TVP23A: variants seen among roughly 807,000 people sequenced by gnomAD.
TVP23A encodes the protein trans-golgi network vesicle protein 23 homolog A.
Under a neutral mutation model 31.7 loss-of-function variants are expected in TVP23A, and 21 were observed. That is an observed-to-expected ratio of 0.66 (90% CI 0.47 to 0.95). The LOEUF (loss-of-function observed/expected upper bound fraction) is 0.95. Ranked by LOEUF, TVP23A falls within the 40% of genes least tolerant of loss-of-function variation. TVP23A has a pLI of 0.00. For missense variants in TVP23A, 279 were observed against 255.6 expected, an observed-to-expected ratio of 1.09 and a Z score of -0.62; for synonymous variants, 104 against 96.0, an observed-to-expected ratio of 1.08 and a Z score of -0.49.
chr16:10,778,874 G>A (rs939656414), intron 2 of TVP23A, among the ~76,000 whole-genome samples: 1 of 152,172 alleles, frequency 6.6e-6, no homozygotes, highest in Non-Finnish European at 1.5e-5. Flanking sequence ...GCTGAGGCAG[G>A]AGAATTGCTT....
Position 10,818,622 on chromosome 16 carries a change from G to T in TVP23A, c.-129C>A. On this transcript the variant is annotated 5_prime_UTR_variant, in exon 1 of 8. Coordinates refer to ENST00000299866, the MANE Select transcript of TVP23A (RefSeq NM_001079512.4). This position sits in a 1 kb window ranked among gnomAD's most constrained non-coding sequence, Gnocchi z 4.7. ...GTGGACGCTGAGGGTCGGGGCCTGC[G>T]CCCTGTGGGGCAGCCTCAGCGCAGC... The T allele has an allele frequency of 8.5e-7, 1 of 1,173,566 alleles. No homozygotes were observed. The highest frequency in any genetic ancestry group is 1.1e-6 in the Non-Finnish European group (1 of 871,534). The allele number at this position is 1,173,566 out of a possible 1,614,324, so 72.7% of individuals were successfully genotyped here. A position where few individuals can be genotyped will look rare whatever the true frequency, so the allele number is the denominator to read the frequency against.
downstream of TVP23A, chr16:10,757,827 G>C (rs747464968): frequency 1.3e-6 from 2 of 1,593,712 alleles, no homozygotes. The surrounding 1 kb of genome is among the most constrained non-coding windows in gnomAD (Gnocchi z 4.1). Context: ...TGAAAGTACA[G>C]AAAAGAAAGG....
intron 2 of TVP23A, among the ~76,000 whole-genome samples, chr16:10,789,926 A>T (rs934518953): frequency 6.6e-5 from 10 of 151,866 alleles, no homozygotes; most frequent in South Asian, 4.2e-4. Context: ...GTTGGTAGGG[A>T]CCTTCTAGGC....
At chr16:10,773,512 ATTTAT>A (rs1187930762) in intron 4 of TVP23A, 71 bp from the exon 5 acceptor site, 1 of 1,488,308 alleles carries the variant, frequency 6.7e-7, no homozygotes, top group African/African-American at 1.4e-5. Flanking sequence ...TCACATTTTC[ATTTAT>A]TTTATTTTGC....
chr16:10,761,841 C>T (rs1416264228), downstream of TVP23A: 5 of 1,613,912 alleles, frequency 3.1e-6, no homozygotes, highest in South Asian at 2.2e-5. Flanking sequence ...CGGCAGAGTG[C>T]CCCTGGATCC....
Position 10,818,345 on chromosome 16 carries a change from C to T in TVP23A, c.9+140G>A. The T allele has an allele frequency of 7.1e-7, 1 of 1,400,732 alleles. No homozygotes were observed. The highest frequency in any genetic ancestry group is 1.3e-5 in the South Asian group (1 of 78,712). 86.8% of individuals were successfully genotyped at this position (1,400,732 alleles called of 1,614,324 possible). ...TCCGCTGCGGCTGCAGTGCAAAGCCCTCTCCACCCTCCCGACCACCGGGTG... is the reference window on the plus strand; with the variant it reads ...TCCGCTGCGGCTGCAGTGCAAAGCCTTCTCCACCCTCCCGACCACCGGGTG... On this transcript the variant is annotated intron_variant, in intron 1 of 7. Coordinates refer to ENST00000299866, the MANE Select transcript of TVP23A (RefSeq NM_001079512.4). The surrounding 1 kb of genome is among the most constrained non-coding windows in gnomAD (Gnocchi z 4.7).
Position 10,773,434 on chromosome 16 carries a change from G to A in TVP23A, c.332C>T (p.Pro111Leu), listed in dbSNP as rs200859270. 826 of 1,597,480 alleles carry A rather than the reference G, an allele frequency of 5.2e-4. 7 individuals carry two copies. Among genetic ancestry groups the A allele is most frequent in the Non-Finnish European group, 2.0e-4 (236 of 1,175,420 alleles). Reference sequence around the variant, plus strand: ...AGCTTCTGTGGCAGCAATGCTATTCGGAGAGACCTGTTAAAGGAAAGTAAT... The same window carrying A: ...AGCTTCTGTGGCAGCAATGCTATTCAGAGAGACCTGTTAAAGGAAAGTAAT... ...HWIFEARKVSPNSIAATEAEA... is the reference protein window; with the variant it reads ...HWIFEARKVSLNSIAATEAEA... The change falls in exon 5 of 8, where the codon CCG becomes CTG. Residue 111 changes from proline to leucine, a missense_variant. Coordinates refer to ENST00000299866, the MANE Select transcript of TVP23A (RefSeq NM_001079512.4).
chr16:10,801,732 G>A (rs568861687), intron 2 of TVP23A, among the ~76,000 whole-genome samples: 13 of 152,164 alleles, frequency 8.5e-5, no homozygotes, highest in Admixed American at 3.3e-4. Flanking sequence ...TTACAGGCAT[G>A]AGCCACCGCC....
chr16:10,758,247 G>A (rs988063706), downstream of TVP23A, among the ~76,000 whole-genome samples: 61 of 152,178 alleles, frequency 4.0e-4, no homozygotes, highest in Admixed American at 2.0e-4. Context: ...GAGATGGGAG[G>A]ATCACTTGAG....
downstream of TVP23A, among the ~76,000 whole-genome samples, chr16:10,763,986 A>T (rs1358019473): frequency 1.3e-5 from 2 of 151,828 alleles, no homozygotes; most frequent in Non-Finnish European, 2.9e-5. Flanking sequence ...CCACGGGAGC[A>T]TCCCAACTCA....
At chr16:10,808,826 A>C (rs2034065124) in intron 2 of TVP23A, among the ~76,000 whole-genome samples, 1 of 152,116 alleles carries the variant, frequency 6.6e-6, no homozygotes, top group African/African-American at 2.4e-5. Flanking sequence ...CCCACAAACA[A>C]AACCAGCTCT....
At chr16:10,787,411 G>T (rs1172252008) in intron 2 of TVP23A, among the ~76,000 whole-genome samples, 3 of 152,160 alleles carry the variant, frequency 2.0e-5, no homozygotes, top group African/African-American at 7.2e-5. Flanking sequence ...GGCTACCTGG[G>T]ACTAGGTATG....
In TVP23A at chr16:10,777,359, G is replaced by A. The variant is rs1341117699; in HGVS notation, c.90-2263C>T. On this transcript the variant is annotated intron_variant, in intron 2 of 7. Coordinates refer to ENST00000299866, the MANE Select transcript of TVP23A (RefSeq NM_001079512.4). This position sits in a 1 kb window ranked among gnomAD's most constrained non-coding sequence, Gnocchi z 4.5. ...ATCAGTCTGTGTTTCTCACTGGCCTGCGAGCAGTGAGCTTGCAACCTCTGG... is the reference window on the plus strand; with the variant it reads ...ATCAGTCTGTGTTTCTCACTGGCCTACGAGCAGTGAGCTTGCAACCTCTGG... Among the ~76,000 whole-genome samples, 2 of 152,100 alleles carry A rather than the reference G, an allele frequency of 1.3e-5. No homozygotes were observed. Among genetic ancestry groups the A allele is most frequent in the East Asian group, 1.9e-4 (1 of 5,198 alleles).
intron 2 of TVP23A, chr16:10,808,514 A>T (rs2034046865): frequency 2.2e-6 from 1 of 454,872 alleles, no homozygotes; most frequent in Non-Finnish European, 4.4e-6. Context: ...AATAATAAGC[A>T]GGCTGGGTGC....
intron 2 of TVP23A, among the ~76,000 whole-genome samples, chr16:10,794,626 G>A (rs761934352): frequency 6.6e-6 from 1 of 152,200 alleles, no homozygotes; most frequent in Non-Finnish European, 1.5e-5. Context: ...GCTTCCCCGA[G>A]TGGGAGTAAA....
chr16:10,772,989 C>G (rs188131015), intron 5 of TVP23A, among the ~76,000 whole-genome samples: 209 of 152,154 alleles, frequency 1.4e-3, no homozygotes, highest in South Asian at 2.7e-3. Context: ...CTCAAGCGTG[C>G]ACACCATCAT....
At chr16:10,761,480 G>C (rs371836842) in exon 9 of TVP23A, 466 of 1,610,408 alleles carry the variant, frequency 2.9e-4, no homozygotes, top group Non-Finnish European at 3.6e-4. Flanking sequence ...GCAAGGTGAG[G>C]GCGCGTGGGG....
chr16:10,782,969 T>C (rs2032512905), intron 2 of TVP23A, among the ~76,000 whole-genome samples: 1 of 152,080 alleles, frequency 6.6e-6, no homozygotes, highest in Non-Finnish European at 1.5e-5. Flanking sequence ...AAACTGCCCC[T>C]ACCTGCTCCC....
In TVP23A at chr16:10,768,206, G is replaced by C. The variant is rs548150546; in HGVS notation, c.*896C>G. 2.1e-6 allele frequency: 1 copy of C among 479,600 alleles called. No homozygotes were observed. The highest frequency in any genetic ancestry group is 3.4e-5 in the East Asian group (1 of 29,782). 29.7% of individuals were successfully genotyped at this position (479,600 alleles called of 1,614,324 possible). On this transcript the variant is annotated 3_prime_UTR_variant, in exon 8 of 8. Transcript: ENST00000299866. This position sits in a 1 kb window ranked among gnomAD's most constrained non-coding sequence, Gnocchi z 4.3. ...AAATCTCTCAATGTGTGAGTATTGT[G>C]AATTAATTCATAGTTTAAAAAACAT...
Sources: allele counts gnomAD v4.1 joint callset (sites outside exome capture counted in the v4.1 genomes callset), GRCh38; gene constraint gnomAD v4.1.1; non-coding constraint Gnocchi (gnomAD v3.1); transcripts MANE v1.5; gene names NCBI Gene and HGNC (gene_info 2026-07-23, HGNC 2026-07-21).